Variants in KCNC1 observed in about 807,000 individuals in gnomAD.
KCNC1 encodes voltage-gated potassium channel KCNC1.
A neutral mutation model predicts 43.4 loss-of-function variants in KCNC1; 8 were observed. That is an observed-to-expected ratio of 0.18 (90% CI 0.11 to 0.33). The LOEUF is 0.33. KCNC1 is among the 10% of genes least tolerant of loss of function. The probability of loss-of-function intolerance (pLI) is 1.00; values close to 1 mark genes in which losing one functional copy is unlikely to be tolerated. For synonymous variants in KCNC1, 361 were observed against 360.5 expected (o/e 1.00, Z -0.01); for missense variants, 420 against 836.0 (o/e 0.50, Z 6.14).
chr11:17,739,863 G>A lies in KCNC1; in HGVS notation c.570+3291G>A, dbSNP rs1357371782. Among the ~76,000 whole-genome samples the A allele has an allele frequency of 6.6e-6, 1 of 152,088 alleles. No individual in the cohort carries two copies. Among genetic ancestry groups the A allele is most frequent in the South Asian group, 2.1e-4 (1 of 4,824 alleles). ...GAACCCACGTGTGTGTCAGTGTGCT[G>A]TGTGTATGTGAGAGAGAGGTCCTGT... On this transcript the variant is annotated intron_variant, in intron 1 of 3. Coordinates refer to ENST00000265969, the MANE Select transcript of KCNC1 (RefSeq NM_001112741.2). The surrounding 1 kb of genome is among the most constrained non-coding windows in gnomAD (Gnocchi z 4.2).
At chr11:17,768,434 T>C (rs1849179230) in intron 1 of KCNC1, among the ~76,000 whole-genome samples, 1 of 151,772 alleles carries the variant, frequency 6.6e-6, no homozygotes, top group Non-Finnish European at 1.5e-5. Context: ...GTGGAGAGCC[T>C]CGTGTGCCAG....
intron 1 of KCNC1, among the ~76,000 whole-genome samples, chr11:17,748,769 C>T (rs1462768773): frequency 6.6e-6 from 1 of 152,140 alleles, no homozygotes; most frequent in Admixed American, 6.5e-5. Flanking sequence ...TTGCCCTCTG[C>T]TCCCCTCCTG....
chr11:17,778,150 CAG>C (rs1231887648), intron 2 of KCNC1, among the ~76,000 whole-genome samples: 3 of 152,132 alleles, frequency 2.0e-5, no homozygotes, highest in Non-Finnish European at 4.4e-5. Flanking sequence ...GCTTTGAGGG[CAG>C]AGAGTTTGGG....
At chr11:17,740,520 T>TGG (rs1848826250) in intron 1 of KCNC1, among the ~76,000 whole-genome samples, 1 of 152,030 alleles carries the variant, frequency 6.6e-6, no homozygotes, top group Non-Finnish European at 1.5e-5. Context: ...CTGTCTTCCT[T>TGG]GGGGGCCAGC....
intron 2 of KCNC1, among the ~76,000 whole-genome samples, chr11:17,778,859 T>C (rs1411633038): frequency 1.2e-5 from 1 of 86,372 alleles, no homozygotes; most frequent in African/African-American, 4.6e-5. Context: ...GGGCGCAGGC[T>C]GAGTGATTAG....
intron 1 of KCNC1, among the ~76,000 whole-genome samples, chr11:17,764,879 C>T (rs1342866076): frequency 2.6e-5 from 4 of 151,946 alleles, no homozygotes; most frequent in African/African-American, 9.7e-5. Flanking sequence ...CCCAACTCAA[C>T]TGACAATTTA....
At chr11:17,759,447 T>G (rs1046980419) in intron 1 of KCNC1, among the ~76,000 whole-genome samples, 1 of 152,234 alleles carries the variant, frequency 6.6e-6, no homozygotes, top group Non-Finnish European at 1.5e-5. Context: ...TTCCTTTGCA[T>G]TATTCAGACT....
Position 17,779,375 on chromosome 11 carries a change from AC to A in KCNC1, c.1505-77del. The A allele has an allele frequency of 8.3e-7, 1 of 1,199,118 alleles. No homozygotes were observed. Among genetic ancestry groups the A allele is most frequent in the Non-Finnish European group, 1.1e-6 (1 of 892,536 alleles). 74.3% of individuals were successfully genotyped at this position (1,199,118 alleles called of 1,614,324 possible). A position where few individuals can be genotyped will look rare whatever the true frequency, so the allele number is the denominator to read the frequency against. ...GACGCTCAAGCTGCCCTCTGCCAAT[AC>A]CCCGCTTCTGGCCTGTCCCCCCCTG... On this transcript the variant is annotated intron_variant, in intron 2 of 3. Transcript: ENST00000265969. The surrounding 1 kb of genome is among the most constrained non-coding windows in gnomAD (Gnocchi z 7.2).
At chr11:17,756,836 G>A (rs1590099611) in intron 1 of KCNC1, among the ~76,000 whole-genome samples, 2 of 152,200 alleles carry the variant, frequency 1.3e-5, no homozygotes, top group Non-Finnish European at 1.5e-5. Context: ...ATAATGGGAA[G>A]ATAAACAGCT....
chr11:17,752,652 G>T (rs931088537), intron 1 of KCNC1, among the ~76,000 whole-genome samples: 1 of 152,190 alleles, frequency 6.6e-6, no homozygotes, highest in South Asian at 2.1e-4. Context: ...CATGTGTTCT[G>T]GAGTCAGACA....
At position 17,739,402 on chromosome 11, in the gene KCNC1, G is replaced by A. The variant is rs1391903621; in HGVS notation, c.570+2830G>A. Among the ~76,000 whole-genome samples, 1 of 147,098 alleles carries A rather than the reference G, an allele frequency of 6.8e-6. No homozygotes were observed. The highest frequency in any genetic ancestry group is 1.5e-5 in the Non-Finnish European group (1 of 66,866). On this transcript the variant is annotated intron_variant, in intron 1 of 3. Transcript: ENST00000265969. The surrounding 1 kb of genome is among the most constrained non-coding windows in gnomAD (Gnocchi z 4.2). The stretch of plus-strand genomic sequence containing the variant: ...GTGTGTGTGTGTGTGTGTGTGTGGT[G>A]AGACTGCGACTCTGTGCGAGCTTCC...
intron 1 of KCNC1, among the ~76,000 whole-genome samples, chr11:17,741,370 C>T (rs984749864): frequency 2.6e-5 from 4 of 152,126 alleles, no homozygotes; most frequent in African/African-American, 9.7e-5. Context: ...AGCCCCGAAC[C>T]ACAGGGCCTG....
intron 1 of KCNC1, among the ~76,000 whole-genome samples, chr11:17,762,913 C>G (rs1287266787): frequency 6.6e-6 from 1 of 152,140 alleles, no homozygotes; most frequent in South Asian, 2.1e-4. Flanking sequence ...TTCCACAAGC[C>G]CAAGGTGCCA....
At chr11:17,761,504 C>G (rs1849077641) in intron 1 of KCNC1, among the ~76,000 whole-genome samples, 2 of 152,208 alleles carry the variant, frequency 1.3e-5, no homozygotes, top group South Asian at 4.1e-4. Context: ...CCACACCCCT[C>G]AATGTTGTCT....
chr11:17,774,986 C>G (rs1849269182), intron 2 of KCNC1: 1 of 985,332 alleles, frequency 1.0e-6, no homozygotes, highest in African/African-American at 1.7e-5. Flanking sequence ...TTGTCCCCAC[C>G]TCTGCACCCC....
chr11:17,781,912 G>T lies in KCNC1; in HGVS notation c.*178G>T, dbSNP rs547756481. The T allele has an allele frequency of 4.4e-6, 2 of 454,208 alleles. No individual in the cohort carries two copies. The highest frequency in any genetic ancestry group is 3.9e-6 in the Non-Finnish European group (1 of 256,594). The allele number at this position is 454,208 out of a possible 1,614,324, so 28.1% of individuals were successfully genotyped here. A position where few individuals can be genotyped will look rare whatever the true frequency, so the allele number is the denominator to read the frequency against. On this transcript the variant is annotated 3_prime_UTR_variant, in exon 4 of 4. Transcript: ENST00000265969. This position sits in a 1 kb window ranked among gnomAD's most constrained non-coding sequence, Gnocchi z 5.1. ...TTCTACGGCCAAATGGTAACTGACC[G>T]TAGAGGATTTCTTTTCCTTCTTTTC...
Position 17,781,916 on chromosome 11 carries a change from A to T in KCNC1, c.*182A>T. 1 of 448,286 alleles carries T rather than the reference A, an allele frequency of 2.2e-6. No homozygotes were observed. The highest frequency in any genetic ancestry group is 4.0e-6 in the Non-Finnish European group (1 of 252,494). The allele number at this position is 448,286 out of a possible 1,614,324, so 27.8% of individuals were successfully genotyped here. A position where few individuals can be genotyped will look rare whatever the true frequency, so the allele number is the denominator to read the frequency against. ...ACGGCCAAATGGTAACTGACCGTAG[A>T]GGATTTCTTTTCCTTCTTTTCATTT... On this transcript the variant is annotated 3_prime_UTR_variant, in exon 4 of 4. Transcript: ENST00000265969. The surrounding 1 kb of genome is among the most constrained non-coding windows in gnomAD (Gnocchi z 5.1).
In KCNC1 at chr11:17,772,503, A is replaced by G. The variant is rs143588903; in HGVS notation, c.1409A>G (p.Asn470Ser). ...CGGCCACCGCAGCTGGGATCTCCCA[A>G]TTATTGTAAATCTGTCGTAAACTCT... The part of the protein sequence containing the change: ...IPRPPQLGSP[N>S]YCKSVVNSPH... The change falls in exon 2 of 4, where the codon AAT becomes AGT. Residue 470 changes from asparagine (N) to serine (S), a missense_variant. Coordinates refer to ENST00000265969, the MANE Select transcript of KCNC1 (RefSeq NM_001112741.2). The G allele has an allele frequency of 2.7e-5, 44 of 1,614,086 alleles. No individual in the cohort carries two copies. Among genetic ancestry groups the G allele is most frequent in the Non-Finnish European group, 3.5e-5 (41 of 1,180,034 alleles).
chr11:17,746,611 C>T (rs1848902760), intron 1 of KCNC1, among the ~76,000 whole-genome samples: 1 of 152,120 alleles, frequency 6.6e-6, no homozygotes, highest in Admixed American at 6.5e-5. Context: ...GCATTAGTCA[C>T]TGGCTTTCAA....
Sources: allele counts gnomAD v4.1 joint callset (sites outside exome capture counted in the v4.1 genomes callset), GRCh38; gene constraint gnomAD v4.1.1; non-coding constraint Gnocchi (gnomAD v3.1); transcripts MANE v1.5; gene names NCBI Gene and HGNC (gene_info 2026-07-23, HGNC 2026-07-21).